PSD2: variants seen among roughly 807,000 people sequenced by gnomAD.
The protein encoded by PSD2 is pleckstrin and Sec7 domain containing 2.
PSD2 carries 38 observed loss-of-function variants against 69.8 expected under a neutral mutation model. That is an observed-to-expected ratio of 0.54 (90% confidence interval 0.42 to 0.71). The LOEUF is 0.71. PSD2 is among the 30% of genes least tolerant of loss of function. The pLI is 0.00. For missense variants in PSD2, 943 were observed against 1,014.5 expected (o/e 0.93, Z 0.96); for synonymous variants, 412 against 423.0 (o/e 0.97, Z 0.32).
intron 7 of PSD2, 52 bp downstream of exon 7, chr5:139,822,836 T>C: frequency 6.7e-7 from 1 of 1,495,274 alleles, no homozygotes; most frequent in Non-Finnish European, 9.1e-7. Context: ...GGGACCCACC[T>C]TGTGTTGATC....
chr5:139,769,725 G>C, the PSD2 span, among the ~76,000 whole-genome samples: 1 of 152,136 alleles, frequency 6.6e-6, no homozygotes, highest in South Asian at 2.1e-4. Context: ...TTGTGACCCA[G>C]GCTGGGTCAG....
At position 139,814,487 on chromosome 5, in the gene PSD2, C is replaced by A; in HGVS notation, c.1016+123C>A. ...TGGGGGGGCACTCCCAACAGTTCCC[C>A]AAGGACACCTCCTCCCGCCACTGTC... On this transcript the variant is annotated intron_variant, in intron 4 of 14. Transcript: ENST00000274710. This position sits in a 1 kb window ranked among gnomAD's most constrained non-coding sequence, Gnocchi z 4.4. The A allele has an allele frequency of 1.2e-6, 1 of 807,912 alleles. No individual in the cohort carries two copies. Among genetic ancestry groups the A allele is most frequent in the Non-Finnish European group, 1.8e-6 (1 of 542,238 alleles). The allele number at this position is 807,912 out of a possible 1,614,324, so 50.0% of individuals were successfully genotyped here.
chr5:139,746,880 G>A, the PSD2 span, among the ~76,000 whole-genome samples: 1 of 152,318 alleles, frequency 6.6e-6, no homozygotes, highest in East Asian at 1.9e-4. The surrounding 1 kb of genome is among the most constrained non-coding windows in gnomAD (Gnocchi z 4.5). Context: ...CCCTGGTGGT[G>A]GGTGCAGGAG....
In PSD2 at chr5:139,839,072, A is replaced by G. The variant is rs1760809770; in HGVS notation, c.1968+300A>G. Among the ~76,000 whole-genome samples, 1 of 152,216 alleles carries G rather than the reference A, an allele frequency of 6.6e-6. No individual in the cohort carries two copies. The highest frequency in any genetic ancestry group is 2.1e-4 in the South Asian group (1 of 4,830). Reference sequence around the variant, plus strand: ...CTTGTGTGCACCTGGGCACAAATGCAAGAGACCGTGTGTCACAGGGAGCTT... The same window carrying G: ...CTTGTGTGCACCTGGGCACAAATGCGAGAGACCGTGTGTCACAGGGAGCTT... On this transcript the variant is annotated intron_variant, in intron 13 of 14. Coordinates refer to ENST00000274710, the MANE Select transcript of PSD2 (RefSeq NM_032289.4). The surrounding 1 kb of genome is among the most constrained non-coding windows in gnomAD (Gnocchi z 5.1).
intron 1 of PSD2, among the ~76,000 whole-genome samples, chr5:139,804,106 T>C (rs537264623): frequency 4.6e-5 from 7 of 152,332 alleles, no homozygotes; most frequent in African/African-American, 7.2e-5. Flanking sequence ...CATGTTTGCA[T>C]TGATCATCTC....
chr5:139,831,650 A>G (rs1760601291), intron 7 of PSD2, among the ~76,000 whole-genome samples: 1 of 152,156 alleles, frequency 6.6e-6, no homozygotes, highest in African/African-American at 2.4e-5. Context: ...AGTTCCATTT[A>G]CTGCTCTCTT....
At chr5:139,755,666 T>TGTGTGC in the PSD2 span, among the ~76,000 whole-genome samples, 36 of 125,386 alleles carry the variant, frequency 2.9e-4, no homozygotes, top group African/African-American at 9.1e-4. Context: ...TGTGTGTGTG[T>TGTGTGC]GCGCGCGCAT....
chr5:139,783,943 C>CTTTTTTT, the PSD2 span, among the ~76,000 whole-genome samples: 102 of 87,882 alleles, frequency 1.2e-3, 4 homozygotes, highest in African/African-American at 4.2e-3. Flanking sequence ...TCTGCTAGCT[C>CTTTTTTT]TTTTTTTTTT....
chr5:139,835,840 A>G, intron 9 of PSD2, 74 bp downstream of exon 9: 1 of 1,416,744 alleles, frequency 7.1e-7, no homozygotes. Context: ...TGCAGGTCCG[A>G]CATTCTGACC....
In PSD2 at chr5:139,839,824, C is replaced by A. The variant is rs968416118; in HGVS notation, c.1969-203C>A. 1.3e-5 allele frequency among the ~76,000 whole-genome samples: 2 copies of A among 152,094 alleles called. No homozygotes were observed. The highest frequency in any genetic ancestry group is 4.1e-4 in the South Asian group (2 of 4,822). On this transcript the variant is annotated intron_variant, in intron 13 of 14. Coordinates refer to ENST00000274710, the MANE Select transcript of PSD2 (RefSeq NM_032289.4). This position sits in a 1 kb window ranked among gnomAD's most constrained non-coding sequence, Gnocchi z 5.1. ...TGGGGGGCATCGAGGAAAGCTGATG[C>A]TGATGGGACCTGGGGGAGGAGGAAG... is the stretch of plus-strand genomic sequence containing the variant.
At chr5:139,810,610 GGTGC>G (rs1010474386) in intron 2 of PSD2, among the ~76,000 whole-genome samples, 2 of 152,198 alleles carry the variant, frequency 1.3e-5, no homozygotes, top group African/African-American at 4.8e-5. Context: ...GGGGGGTGTT[GGTGC>G]CCCTGGCCTG....
chr5:139,808,980 G>A lies in PSD2; in HGVS notation c.-50-411G>A, dbSNP rs1285288901. On this transcript the variant is annotated intron_variant, in intron 1 of 14. Transcript: ENST00000274710. The stretch of plus-strand genomic sequence containing the variant: ...TGGAGCCAGGGTAAGAACACGGGAA[G>A]AGGCTAGGGGACCGGCTGCTGACAG... Among the ~76,000 whole-genome samples the A allele has an allele frequency of 2.6e-5, 4 of 152,210 alleles. No individual in the cohort carries two copies. The East Asian group carries it at 7.7e-4, about 29-fold the overall frequency.
chr5:139,771,617 A>G, the PSD2 span, among the ~76,000 whole-genome samples: 4 of 152,170 alleles, frequency 2.6e-5, no homozygotes, highest in Admixed American at 2.6e-4. Flanking sequence ...TGACCTCGTG[A>G]TCCGCCCACC....
At chr5:139,821,381 G>T (rs1281591540) in intron 5 of PSD2, among the ~76,000 whole-genome samples, 1 of 152,232 alleles carries the variant, frequency 6.6e-6, no homozygotes, top group Non-Finnish European at 1.5e-5. Context: ...GAGGATTAAG[G>T]TTGAGGTTGA....
chr5:139,786,277 C>T, the PSD2 span, among the ~76,000 whole-genome samples: 16 of 151,880 alleles, frequency 1.1e-4, no homozygotes, highest in African/African-American at 2.4e-4. Flanking sequence ...TCCAGCTACA[C>T]AGGAGGCAGA....
rs765799196 is a variant in PSD2 at position 139,822,802 on chromosome 5, CG to C, written c.1269+24del. On this transcript the variant is annotated intron_variant, in intron 7 of 14. Transcript: ENST00000274710. Reference sequence around the variant, plus strand: ...ACGGCCACGTGAGTTGGGGAGGTGACGGGGGGTGTCGCATGTCCTCTCAGGG... The same window carrying C: ...ACGGCCACGTGAGTTGGGGAGGTGACGGGGGTGTCGCATGTCCTCTCAGGG... The C allele has an allele frequency of 6.3e-6, 10 of 1,597,180 alleles. No individual in the cohort carries two copies. Among genetic ancestry groups the C allele is most frequent in the African/African-American group, 1.3e-5 (1 of 74,282 alleles).
At chr5:139,794,526 G>T (rs1759475252), upstream of PSD2, among the ~76,000 whole-genome samples, 1 of 152,206 alleles carries the variant, frequency 6.6e-6, no homozygotes, top group African/African-American at 2.4e-5. Flanking sequence ...TGGGTGGAAA[G>T]AAGGTCAGAG....
rs1338281157 is a variant in PSD2, at chr5:139,840,026, G to A, written c.1969-1G>A. 1.9e-6 allele frequency: 3 copies of A among 1,614,092 alleles called. No homozygotes were observed. Among genetic ancestry groups the A allele is most frequent in the Non-Finnish European group, 2.5e-6 (3 of 1,180,024 alleles). On this transcript the variant is annotated splice_acceptor_variant, in intron 13 of 14. Transcript: ENST00000274710. LOFTEE classifies it high-confidence loss of function. ...TCACAGTCCAGGATTTGTCTTTGCA[G>A]GAGGAGCAACTGCGGTCTCATGAGA...
chr5:139,755,635 C>CTGTGTGTG, the PSD2 span, among the ~76,000 whole-genome samples: 8 of 146,442 alleles, frequency 5.5e-5, no homozygotes, highest in African/African-American at 1.5e-4. Flanking sequence ...TGCGGCCCTG[C>CTGTGTGTG]TGTGTGTGTG....
Sources: allele counts gnomAD v4.1 joint callset (sites outside exome capture counted in the v4.1 genomes callset), GRCh38; gene constraint gnomAD v4.1.1; non-coding constraint Gnocchi (gnomAD v3.1); transcripts MANE v1.5; gene names NCBI Gene and HGNC (gene_info 2026-07-23, HGNC 2026-07-21).